Variants in RBBP7 observed in about 807,000 individuals in gnomAD.
RBBP7 encodes the protein RB binding protein 7, chromatin remodeling factor, also known as histone-binding protein RBBP7.
In RBBP7, 5 loss-of-function variants were observed where a neutral mutation model predicts 35.2. The observed-to-expected ratio is 0.14, with a 90% CI of 0.07 to 0.30. The LOEUF (loss-of-function observed/expected upper bound fraction) is 0.30, where lower values mean the gene tolerates loss of function less well. RBBP7 is among the 10% of genes least tolerant of loss of function. The pLI is 1.00. For missense variants in RBBP7, 155 were observed against 327.5 expected, an observed-to-expected ratio of 0.47 and a Z score of 4.07; for synonymous variants, 140 against 118.7, an observed-to-expected ratio of 1.18 and a Z score of -1.17.
chrX:16,851,383 A>G (rs949168366), intron 9 of RBBP7, among the ~76,000 whole-genome samples: 1 of 112,325 alleles, frequency 8.9e-6, no homozygotes, highest in African/African-American at 3.2e-5. Flanking sequence ...TTTAAACTTA[A>G]GATGACATCT....
chrX:16,847,348 G>T (rs1230096708), intron 10 of RBBP7: 1 of 106,096 alleles, frequency 9.4e-6, no homozygotes, highest in East Asian at 3.1e-4. Flanking sequence ...TTGCGCACCT[G>T]TAGTCCCAGC....
In RBBP7 at chrX:16,847,452, C is replaced by G. The variant is rs764780131; in HGVS notation, c.1099-1514G>C. The G allele has an allele frequency of 2.7e-5, 3 of 109,271 alleles. No homozygotes were observed. In the Admixed American group the frequency reaches 2.9e-4, roughly 11 times the overall value. The allele number at this position is 109,271 out of a possible 1,213,427, so 9.0% of individuals were successfully genotyped here. ...CACCACTGCACTCCAGCCTGGGCGA[C>G]AGAGAGAGTACTCTTAAGGGGTACA... On this transcript the variant is annotated intron_variant, in intron 10 of 11. Coordinates refer to ENST00000380087, the MANE Select transcript of RBBP7 (RefSeq NM_002893.4).
intron 2 of RBBP7, among the ~76,000 whole-genome samples, chrX:16,868,125 ACT>A (rs1215262762): frequency 9.0e-6 from 1 of 110,956 alleles, no homozygotes; most frequent in Admixed American, 9.6e-5. Flanking sequence ...ACACGGTCTC[ACT>A]CTGTTGGCTA....
intron 5 of RBBP7, among the ~76,000 whole-genome samples, chrX:16,856,105 G>T (rs1407611999): frequency 9.3e-6 from 1 of 107,741 alleles, no homozygotes; most frequent in African/African-American, 3.4e-5. Flanking sequence ...CTTATAACTT[G>T]ACAATAAAAA....
intron 3 of RBBP7, among the ~76,000 whole-genome samples, chrX:16,860,281 A>G (rs1224458213): frequency 2.4e-5 from 1 of 42,080 alleles, no homozygotes. Flanking sequence ...TTAAAAAAAA[A>G]AGGGGGGGGG....
rs534683616 is a variant in RBBP7 at position 16,863,052 on chromosome X, A to G, written c.210T>C (p.His70=). 54 of 1,208,799 alleles carry G rather than the reference A, an allele frequency of 4.5e-5. 1 individual carries two copies. The highest frequency in any genetic ancestry group is 3.3e-4 in the African/African-American group (19 of 57,211). The change falls in exon 3 of 12, where the codon CAT becomes CAC. Residue 70 remains histidine (H), a synonymous_variant. Transcript: ENST00000380087. ...CCAGATGATTCTGCTCATCAGACGTATGAGTCCCCAGCACTAGCCAATGAA... is the reference window on the plus strand; with the variant it reads ...CCAGATGATTCTGCTCATCAGACGTGTGAGTCCCCAGCACTAGCCAATGAA... The part of the protein sequence containing the change: ...YALHWLVLGT[H]TSDEQNHLVV...
At chrX:16,858,628 G>C (rs1930402748) in intron 4 of RBBP7, 48 bp downstream of exon 4, 3 of 1,181,899 alleles carry the variant, frequency 2.5e-6, no homozygotes, top group East Asian at 3.0e-5. Context: ...TTACCAGTTT[G>C]AATCAAGAAA....
intron 10 of RBBP7, chrX:16,847,809 A>T (rs187205916): frequency 9.3e-6 from 1 of 107,536 alleles, no homozygotes; most frequent in East Asian, 3.0e-4. Flanking sequence ...CACGTGATCC[A>T]CCTGCCTTGG....
chrX:16,867,601 G>C (rs1930655994), intron 2 of RBBP7, among the ~76,000 whole-genome samples: 1 of 111,507 alleles, frequency 9.0e-6, no homozygotes, highest in Non-Finnish European at 1.9e-5. Flanking sequence ...TATCTGTATA[G>C]AAATCAATGT....
intron 10 of RBBP7, chrX:16,848,288 C>T (rs1930132467): frequency 9.0e-6 from 1 of 111,090 alleles, no homozygotes; most frequent in Non-Finnish European, 1.9e-5. Flanking sequence ...GAAAAAAAAC[C>T]CCCAAAACCC....
intron 4 of RBBP7, 125 bp from the exon 5 acceptor site, chrX:16,857,834 C>A (rs1368274410): frequency 9.3e-6 from 9 of 971,079 alleles, no homozygotes; most frequent in Non-Finnish European, 1.2e-5. Context: ...GTCTTTAATA[C>A]CCAATGCAAA....
chrX:16,857,093 T>C (rs1256131247), intron 5 of RBBP7, among the ~76,000 whole-genome samples: 1 of 111,385 alleles, frequency 9.0e-6, no homozygotes, highest in African/African-American at 3.3e-5. Flanking sequence ...GATAACTCTA[T>C]AGAGACAGAA....
chrX:16,854,312 A>G (rs1301234515), intron 5 of RBBP7, among the ~76,000 whole-genome samples: 1 of 111,659 alleles, frequency 9.0e-6, no homozygotes, highest in Non-Finnish European at 1.9e-5. Context: ...ATGTGGCTGC[A>G]GCCTCCATGT....
Position 16,844,731 on chromosome X carries a change from G to C in RBBP7, c.*304C>G, listed in dbSNP as rs977808611. The C allele has an allele frequency of 4.6e-5, 8 of 175,568 alleles. No individual in the cohort carries two copies. Among genetic ancestry groups the C allele is most frequent in the Admixed American group, 1.6e-4 (2 of 12,566 alleles). 14.5% of individuals were successfully genotyped at this position (175,568 alleles called of 1,213,427 possible). ...GTGTAAAAGTTATTCTTGCATATTTGGGAACAGCAAGCACTTAGTTTGAGA... is the reference window on the plus strand; with the variant it reads ...GTGTAAAAGTTATTCTTGCATATTTCGGAACAGCAAGCACTTAGTTTGAGA... On this transcript the variant is annotated 3_prime_UTR_variant, in exon 12 of 12. Transcript: ENST00000380087.
In RBBP7 at chrX:16,850,848, C is replaced by T. The variant is rs758472671; in HGVS notation, c.1040+1198G>A. On this transcript the variant is annotated intron_variant, in intron 9 of 11. Transcript: ENST00000380087. ...GTGCAATGGCTCATGCCTGTAATCC[C>T]AGCACTTTGGGAGGCCAAGGCGGGA... 3.6e-5 allele frequency among the ~76,000 whole-genome samples: 4 copies of T among 112,398 alleles called. No homozygotes were observed. In the South Asian group the frequency reaches 1.1e-3, roughly 31 times the overall value.
chrX:16,849,139 TC>T, intron 10 of RBBP7, 104 bp downstream of exon 10: 1 of 767,693 alleles, frequency 1.3e-6, no homozygotes, highest in Non-Finnish European at 1.9e-6. Flanking sequence ...TTTGAAACCA[TC>T]TGCAAGAGCT....
In RBBP7 at chrX:16,852,809, G is replaced by T; in HGVS notation, c.825C>A (p.Val275=). The T allele has an allele frequency of 8.3e-7, 1 of 1,212,094 alleles. No individual in the cohort carries two copies. Among genetic ancestry groups the T allele is most frequent in the Non-Finnish European group, 1.1e-6 (1 of 895,638 alleles). ...TGTAGGGATTGAATGAGAGGCAGTT[G>T]ACTTCGGCAGTGTGCGCATCCACCA... ...SHLVDAHTAE[V]NCLSFNPYSE... The change falls in exon 7 of 12, where the codon GTC becomes GTA. Residue 275 remains valine (V), a synonymous_variant. Transcript: ENST00000380087.
At chrX:16,861,202 A>C (rs369246542) in intron 3 of RBBP7, among the ~76,000 whole-genome samples, 234 of 112,266 alleles carry the variant, frequency 2.1e-3, no homozygotes, top group African/African-American at 7.2e-3. Context: ...ACACAAAAAA[A>C]CCCCAATATT....
At chrX:16,863,224 G>A in intron 2 of RBBP7, 124 bp from the exon 3 acceptor site, 1 of 655,303 alleles carries the variant, frequency 1.5e-6, no homozygotes, top group South Asian at 3.7e-5. Context: ...AGCATCAACT[G>A]TGTATCTTCT....
Sources: gnomAD v4.1 joint callset for allele counts (sites outside exome capture counted in the v4.1 genomes callset) on GRCh38, gnomAD v4.1.1 for gene constraint, MANE v1.5 for transcripts, NCBI Gene and HGNC (gene_info 2026-07-23, HGNC 2026-07-21) for gene names.